Variants in CRACD observed in about 807,000 individuals in gnomAD.
CRACD encodes the protein capping protein-inhibiting regulator of actin dynamics.
CRACD carries 56 observed loss-of-function variants against 106.8 expected under a neutral mutation model. The observed-to-expected ratio is 0.52, with a 90% CI of 0.42 to 0.66. The LOEUF (loss-of-function observed/expected upper bound fraction) is 0.66. Ranked by LOEUF, CRACD falls within the 30% of genes least tolerant of loss-of-function variation. The probability of loss-of-function intolerance (pLI) is 0.00; values close to 1 mark genes in which losing one functional copy is unlikely to be tolerated. For missense variants in CRACD, 1,730 were observed against 1,623.2 expected, an observed-to-expected ratio of 1.07 and a Z score of -1.13; for synonymous variants, 754 against 670.8, an observed-to-expected ratio of 1.12 and a Z score of -1.92.
chr4:56,055,902 C>T (rs1732042884), intron 1 of CRACD, among the ~76,000 whole-genome samples: 1 of 152,180 alleles, frequency 6.6e-6, no homozygotes, highest in African/African-American at 2.4e-5. Context: ...GTGGGAGCAG[C>T]AGCATGAATC....
At chr4:56,093,108 T>A (rs952481062) in intron 1 of CRACD, among the ~76,000 whole-genome samples, 1 of 152,216 alleles carries the variant, frequency 6.6e-6, no homozygotes, top group Non-Finnish European at 1.5e-5. Flanking sequence ...TGTTTTTCTT[T>A]GGCAGTTTAT....
At chr4:56,271,800 C>T (rs991422417) in intron 2 of CRACD, among the ~76,000 whole-genome samples, 1 of 152,006 alleles carries the variant, frequency 6.6e-6, no homozygotes, top group Non-Finnish European at 1.5e-5. Context: ...GACTGGAGTG[C>T]GGTGGTGTGA....
intron 2 of CRACD, among the ~76,000 whole-genome samples, chr4:56,259,381 A>G (rs1741564207): frequency 6.6e-6 from 1 of 152,046 alleles, no homozygotes; most frequent in Admixed American, 6.6e-5. Flanking sequence ...CTGGTGGGAG[A>G]GTTCCAATTC....
In CRACD at chr4:56,271,204, C is replaced by T. The variant is rs1370749037; in HGVS notation, c.-188-1117C>T. Reference sequence around the variant, plus strand: ...GAAAAACGAAACATCCAGGAAGATGCTGCTTCTGGTAGAGGGTGACTTACA... The same window carrying T: ...GAAAAACGAAACATCCAGGAAGATGTTGCTTCTGGTAGAGGGTGACTTACA... On this transcript the variant is annotated intron_variant, in intron 2 of 10. Coordinates refer to ENST00000682029, the MANE Select transcript of CRACD (RefSeq NM_001393381.1). Among the ~76,000 whole-genome samples, 7 of 152,096 alleles carry T rather than the reference C, an allele frequency of 4.6e-5. No individual in the cohort carries two copies. The East Asian group carries it at 1.4e-3, about 29-fold the overall frequency.
intron 5 of CRACD, 123 bp downstream of exon 5, chr4:56,307,822 G>C (rs1308660462): frequency 8.9e-6 from 8 of 894,246 alleles, no homozygotes; most frequent in Non-Finnish European, 1.4e-5. Context: ...GAGTAGCTCA[G>C]GGCTTGAGGG....
At chr4:56,304,545 A>G (rs1249412044) in intron 4 of CRACD, among the ~76,000 whole-genome samples, 2 of 152,094 alleles carry the variant, frequency 1.3e-5, no homozygotes, top group Non-Finnish European at 2.9e-5. Flanking sequence ...CGGGAGGCGG[A>G]GGCAGGAGGA....
At chr4:56,279,939 T>C (rs1199753168) in intron 3 of CRACD, among the ~76,000 whole-genome samples, 2 of 151,762 alleles carry the variant, frequency 1.3e-5, no homozygotes, top group Non-Finnish European at 2.9e-5. Context: ...GTGGCACATA[T>C]ACACCATGGA....
chr4:56,327,911 C>A lies in CRACD; in HGVS notation c.*107C>A. 2.0e-6 allele frequency: 2 copies of A among 1,009,752 alleles called. No individual in the cohort carries two copies. Among genetic ancestry groups the A allele is most frequent in the Non-Finnish European group, 2.9e-6 (2 of 692,962 alleles). 62.5% of individuals were successfully genotyped at this position (1,009,752 alleles called of 1,614,324 possible). A position where few individuals can be genotyped will look rare whatever the true frequency, so the allele number is the denominator to read the frequency against. On this transcript the variant is annotated 3_prime_UTR_variant, in exon 11 of 11. Coordinates refer to ENST00000682029, the MANE Select transcript of CRACD (RefSeq NM_001393381.1). Reference sequence around the variant, plus strand: ...AAGAAATCAAGCTAGGGAAAAGAAGCATGTTTTATAGGCTCCAAAATAATG... The same window carrying A: ...AAGAAATCAAGCTAGGGAAAAGAAGAATGTTTTATAGGCTCCAAAATAATG...
intron 2 of CRACD, among the ~76,000 whole-genome samples, chr4:56,231,461 T>C (rs562814843): frequency 9.2e-5 from 14 of 152,346 alleles, no homozygotes; most frequent in African/African-American, 3.4e-4. Flanking sequence ...ACTGTAGGCT[T>C]GTGTAACCCA....
intron 1 of CRACD, among the ~76,000 whole-genome samples, chr4:56,125,834 C>T (rs532395895): frequency 1.3e-4 from 18 of 140,492 alleles, no homozygotes; most frequent in South Asian, 2.3e-4. Flanking sequence ...TGCAATGGCA[C>T]GATCTTGGCT....
chr4:56,173,884 T>G (rs1042826850), intron 1 of CRACD, among the ~76,000 whole-genome samples: 1 of 152,196 alleles, frequency 6.6e-6, no homozygotes, highest in Admixed American at 6.5e-5. Flanking sequence ...TCACCAACAC[T>G]TGTTATTTTC....
intron 2 of CRACD, among the ~76,000 whole-genome samples, chr4:56,260,500 G>A (rs550154025): frequency 2.4e-4 from 36 of 152,274 alleles, no homozygotes; most frequent in African/African-American, 7.5e-4. Context: ...TGATCTTTTC[G>A]ATGTGTCAAC....
chr4:56,199,246 A>C (rs1357322983), intron 2 of CRACD, among the ~76,000 whole-genome samples: 1 of 152,222 alleles, frequency 6.6e-6, no homozygotes, highest in African/African-American at 2.4e-5. Context: ...TGAAAGTAGA[A>C]GTGCTGAAAT....
At chr4:56,169,817 C>T (rs368484506) in intron 1 of CRACD, among the ~76,000 whole-genome samples, 3 of 151,980 alleles carry the variant, frequency 2.0e-5, no homozygotes, top group East Asian at 3.9e-4. Context: ...AATCTTTAAC[C>T]ATTTGTTCTG....
chr4:56,171,053 A>C (rs538690573), intron 1 of CRACD, among the ~76,000 whole-genome samples: 1 of 152,328 alleles, frequency 6.6e-6, no homozygotes, highest in African/African-American at 2.4e-5. Context: ...TTAAAGGGAC[A>C]TTCAAAGAAA....
Position 56,181,049 on chromosome 4 carries a change from TG to T in CRACD, c.-189+1620del, listed in dbSNP as rs548872451. On this transcript the variant is annotated intron_variant, in intron 2 of 10. Coordinates refer to ENST00000682029, the MANE Select transcript of CRACD (RefSeq NM_001393381.1). ...CCTACAGTGAACTAGGTACTATTTT[TG>T]ATGTTTGTTCACATCAGTGCATGGA... is the stretch of plus-strand genomic sequence containing the variant. 3.7e-4 allele frequency among the ~76,000 whole-genome samples: 57 copies of T among 152,392 alleles called. 1 individual carries two copies. The highest frequency in any genetic ancestry group is 1.9e-3 in the Admixed American group (29 of 15,314).
At chr4:56,178,804 G>T (rs772709770) in intron 1 of CRACD, among the ~76,000 whole-genome samples, 5 of 152,170 alleles carry the variant, frequency 3.3e-5, no homozygotes, top group African/African-American at 9.7e-5. Context: ...CATTCAGGCA[G>T]CTTTAGAAGG....
chr4:56,268,950 T>A (rs1156372684), intron 2 of CRACD, among the ~76,000 whole-genome samples: 1 of 152,214 alleles, frequency 6.6e-6, no homozygotes, highest in East Asian at 1.9e-4. Flanking sequence ...AAATAACCAA[T>A]GAAAAGATAC....
intron 2 of CRACD, among the ~76,000 whole-genome samples, chr4:56,239,732 C>T (rs776578044): frequency 1.3e-4 from 20 of 152,246 alleles, no homozygotes; most frequent in Non-Finnish European, 2.4e-4. Flanking sequence ...ACAAAGTTAG[C>T]CATCTTCAGA....
Sources: allele counts gnomAD v4.1 joint callset (sites outside exome capture counted in the v4.1 genomes callset), GRCh38; gene constraint gnomAD v4.1.1; transcripts MANE v1.5; gene names NCBI Gene and HGNC (gene_info 2026-07-23, HGNC 2026-07-21).